Variants in UMAD1 observed in about 807,000 individuals in gnomAD.
The protein encoded by UMAD1 is UBAP1-MVB12-associated (UMA) domain containing 1.
In UMAD1, 8 loss-of-function variants were observed where a neutral mutation model predicts 6.1. That is an observed-to-expected ratio of 1.30 (90% CI 0.76 to 2.35). UMAD1 has a LOEUF of 2.35. Among genes scored for constraint, UMAD1 ranks in the 30% most tolerant of loss-of-function variants. UMAD1 has a pLI of 0.00. For synonymous variants in UMAD1, 56 were observed against 31.4 expected (o/e 1.78, Z -2.61); for missense variants, 130 against 78.4 (o/e 1.66, Z -2.49).
intron 2 of UMAD1, among the ~76,000 whole-genome samples, chr7:7,728,315 A>G (rs929289424): frequency 2.0e-5 from 3 of 152,144 alleles, no homozygotes; most frequent in Admixed American, 2.0e-4. Flanking sequence ...AATCTCTTTG[A>G]GTGTTCAGTT....
intron 3 of UMAD1, among the ~76,000 whole-genome samples, chr7:7,833,988 A>G (rs1281621095): frequency 1.4e-5 from 2 of 145,638 alleles, no homozygotes; most frequent in African/African-American, 5.1e-5. Flanking sequence ...CTACCCAAGT[A>G]TCCCTAACAT....
At chr7:7,706,774 A>G (rs1218938482) in intron 2 of UMAD1, among the ~76,000 whole-genome samples, 9 of 152,108 alleles carry the variant, frequency 5.9e-5, no homozygotes, top group Admixed American at 5.9e-4. Context: ...TTTAAACTAG[A>G]TTGTCTGAGT....
At chr7:7,693,456 G>T (rs1780229671) in intron 2 of UMAD1, among the ~76,000 whole-genome samples, 1 of 152,042 alleles carries the variant, frequency 6.6e-6, no homozygotes, top group Admixed American at 6.6e-5. Flanking sequence ...AGATGTTTTG[G>T]GGGAAGAAGT....
chr7:7,681,029 A>G (rs768343893), intron 2 of UMAD1, among the ~76,000 whole-genome samples: 1 of 152,132 alleles, frequency 6.6e-6, no homozygotes, highest in Non-Finnish European at 1.5e-5. Flanking sequence ...AGAAAAATAA[A>G]TATATTTTGT....
chr7:7,858,595 A>G (rs574131857), intron 3 of UMAD1, among the ~76,000 whole-genome samples: 1 of 152,216 alleles, frequency 6.6e-6, no homozygotes, highest in Non-Finnish European at 1.5e-5. Context: ...ATACGTAATC[A>G]TCTGGGTCCT....
At chr7:7,741,286 C>CTG (rs1781458561) in intron 2 of UMAD1, among the ~76,000 whole-genome samples, 1 of 147,666 alleles carries the variant, frequency 6.8e-6, no homozygotes, top group Admixed American at 6.7e-5. Flanking sequence ...AAAAAAAAGA[C>CTG]TGTGGCCTGG....
chr7:7,757,228 C>T lies in UMAD1; in HGVS notation c.83-44442C>T, dbSNP rs189832827. Among the ~76,000 whole-genome samples the T allele has an allele frequency of 2.0e-4, 31 of 152,286 alleles. No homozygotes were observed. The East Asian group carries it at 6.0e-3, about 29-fold the overall frequency. On this transcript the variant is annotated intron_variant, in intron 2 of 3. Transcript: ENST00000682710. ...GTTGAGACTCTTCAACTTCAAGACT[C>T]CCTGATCCTTTATTTTCACATTTTT...
intron 3 of UMAD1, among the ~76,000 whole-genome samples, chr7:7,855,719 C>T (rs1329989864): frequency 6.6e-6 from 1 of 152,208 alleles, no homozygotes; most frequent in Non-Finnish European, 1.5e-5. Context: ...TTTGGCTTCT[C>T]ATTACTTATG....
chr7:7,732,081 G>C (rs1041291487), intron 2 of UMAD1, among the ~76,000 whole-genome samples: 3 of 151,640 alleles, frequency 2.0e-5, no homozygotes, highest in African/African-American at 7.3e-5. Context: ...CTTCTGCTTG[G>C]ATTACTTGCT....
At chr7:7,688,497 T>G (rs1780092088) in intron 2 of UMAD1, among the ~76,000 whole-genome samples, 1 of 152,200 alleles carries the variant, frequency 6.6e-6, no homozygotes, top group African/African-American at 2.4e-5. Flanking sequence ...GCCCCGTGTT[T>G]CCTCATGCAG....
chr7:7,693,730 A>G lies in UMAD1; in HGVS notation c.82+20277A>G, dbSNP rs28912713. Among the ~76,000 whole-genome samples, 711 of 152,266 alleles carry G rather than the reference A, an allele frequency of 4.7e-3. 8 individuals are homozygous for G. Among genetic ancestry groups the G allele is most frequent in the African/African-American group, 0.016 (681 of 41,574 alleles). On this transcript the variant is annotated intron_variant, in intron 2 of 3. Transcript: ENST00000682710. ...AATTTTAATAATTTAGCAATATTAT[A>G]TGAACGTGAAGTTTTATATCCTTCT... is the stretch of plus-strand genomic sequence containing the variant.
At chr7:7,856,760 G>C (rs1487382486) in intron 3 of UMAD1, among the ~76,000 whole-genome samples, 1 of 152,088 alleles carries the variant, frequency 6.6e-6, no homozygotes, top group Non-Finnish European at 1.5e-5. Context: ...CATACTAGGG[G>C]ACAATACAAA....
chr7:7,735,535 G>A (rs575151159), intron 2 of UMAD1, among the ~76,000 whole-genome samples: 11 of 151,762 alleles, frequency 7.2e-5, no homozygotes, highest in Admixed American at 3.3e-4. Context: ...TCAGCCTCCC[G>A]AGTAGCTGGA....
At chr7:7,680,199 AT>A (rs1454057079) in intron 2 of UMAD1, among the ~76,000 whole-genome samples, 1 of 151,980 alleles carries the variant, frequency 6.6e-6, no homozygotes, top group East Asian at 1.9e-4. Context: ...TATTTTATCC[AT>A]TTTGATTTGA....
chr7:7,797,268 G>C (rs530859000), intron 2 of UMAD1, among the ~76,000 whole-genome samples: 1 of 152,202 alleles, frequency 6.6e-6, no homozygotes, highest in South Asian at 2.1e-4. Flanking sequence ...ACTTCATGAG[G>C]GATCTGTCCC....
At chr7:7,854,442 C>T (rs1456884288) in intron 3 of UMAD1, among the ~76,000 whole-genome samples, 1 of 149,632 alleles carries the variant, frequency 6.7e-6, no homozygotes, top group Non-Finnish European at 1.5e-5. Context: ...AACTTACAAT[C>T]ATGGCAGAAG....
chr7:7,826,988 TGAATTATAAG>T (rs2115301407), intron 3 of UMAD1, among the ~76,000 whole-genome samples: 1 of 152,246 alleles, frequency 6.6e-6, no homozygotes, highest in Non-Finnish European at 1.5e-5. Context: ...GTTACTTTAA[TGAATTATAAG>T]GAATTATAAG....
intron 1 of UMAD1, among the ~76,000 whole-genome samples, chr7:7,652,295 A>G (rs1479651104): frequency 6.6e-6 from 1 of 152,176 alleles, no homozygotes; most frequent in East Asian, 1.9e-4. Context: ...TTCTTGGTCA[A>G]TACCCATTGA....
At chr7:7,727,776 T>TC (rs1194569201) in intron 2 of UMAD1, among the ~76,000 whole-genome samples, 2 of 152,172 alleles carry the variant, frequency 1.3e-5, no homozygotes, top group African/African-American at 4.8e-5. Context: ...ACATCAGACT[T>TC]CAAGTTCTTC....
Sources: gnomAD v4.1 joint callset for allele counts (sites outside exome capture counted in the v4.1 genomes callset) on GRCh38, gnomAD v4.1.1 for gene constraint, MANE v1.5 for transcripts, NCBI Gene and HGNC (gene_info 2026-07-23, HGNC 2026-07-21) for gene names.